The following KLHL15 variants were observed in gnomAD, a reference collection of about 807,000 sequenced individuals.
The protein encoded by KLHL15 is kelch like family member 15.
A neutral mutation model predicts 29.3 loss-of-function variants in KLHL15; 1 was observed. The ratio of observed to expected loss-of-function variants is 0.03; its 90% CI spans 0.01 to 0.16. The LOEUF is 0.16. Among genes scored for constraint, KLHL15 ranks in the 10% least tolerant of loss-of-function variants. The pLI, the probability that KLHL15 is intolerant of heterozygous loss-of-function variation, is 1.00. For missense variants in KLHL15, 215 were observed against 478.5 expected, an observed-to-expected ratio of 0.45 and a Z score of 5.14; for synonymous variants, 212 against 184.5, an observed-to-expected ratio of 1.15 and a Z score of -1.21.
Position 24,006,445 on chromosome X carries a change from G to C in KLHL15, c.249C>G (p.Ser83Arg). The change falls in exon 3 of 4, where the codon AGC becomes AGG. Residue 83 changes from serine (S) to arginine (R), a missense_variant. Ser to Arg is a moderately radical substitution (Grantham distance 110). Transcript: ENST00000328046. Reference protein sequence around the residue: ...HLKGLTATGFSHVLQFMYYGT... With the variant: ...HLKGLTATGFRHVLQFMYYGT... Reference sequence around the variant, plus strand: ...CATAGTACATAAATTGCAGGACATGGCTGAAACCGGTAGCTGTTAGACCTT... The same window carrying C: ...CATAGTACATAAATTGCAGGACATGCCTGAAACCGGTAGCTGTTAGACCTT... The C allele has an allele frequency of 8.3e-7, 1 of 1,210,692 alleles. No homozygotes were observed.
At position 24,024,978 on chromosome X, in the gene KLHL15, A is replaced by C. The variant is rs1806476969; in HGVS notation, c.-129T>G. Reference sequence around the variant, plus strand: ...CACTCGGCAGGCTCCTCGGACGTCTACGAGCAGCCGCTCCCGGCACGAGCC... The same window carrying C: ...CACTCGGCAGGCTCCTCGGACGTCTCCGAGCAGCCGCTCCCGGCACGAGCC... On this transcript the variant is annotated 5_prime_UTR_variant, in exon 2 of 4. Coordinates refer to ENST00000328046, the MANE Select transcript of KLHL15 (RefSeq NM_030624.3). 6.7e-6 allele frequency: 2 copies of C among 297,282 alleles called. No individual in the cohort carries two copies. The highest frequency in any genetic ancestry group is 6.0e-5 in the Admixed American group (1 of 16,566). 24.5% of individuals were successfully genotyped at this position (297,282 alleles called of 1,213,427 possible).
intron 2 of KLHL15, among the ~76,000 whole-genome samples, chrX:24,011,901 G>A (rs891138423): frequency 9.7e-5 from 11 of 113,003 alleles, no homozygotes; most frequent in Non-Finnish European, 1.9e-4. Flanking sequence ...TGTAATCCCA[G>A]CATTTTGGGA....
At chrX:24,024,559 G>A (rs1430433574) in intron 2 of KLHL15, among the ~76,000 whole-genome samples, 11 of 112,174 alleles carry the variant, frequency 9.8e-5, no homozygotes, top group Non-Finnish European at 2.1e-4. Context: ...TCTATTTCAG[G>A]CATAAATTGA....
chrX:24,020,936 C>T (rs376285921), intron 2 of KLHL15, among the ~76,000 whole-genome samples: 103 of 110,295 alleles, frequency 9.3e-4, no homozygotes, highest in African/African-American at 3.2e-3. Flanking sequence ...TAATATATAT[C>T]ATTAACTAAA....
intron 2 of KLHL15, among the ~76,000 whole-genome samples, chrX:24,010,111 C>T (rs1157890947): frequency 9.0e-6 from 1 of 111,033 alleles, no homozygotes; most frequent in Non-Finnish European, 1.9e-5. Context: ...ATCTCAACTC[C>T]TACAACCTCC....
chrX:24,025,062 G>A lies in KLHL15; in HGVS notation c.-209-4C>T, dbSNP rs776113337. The A allele has an allele frequency of 4.9e-3, 1,456 of 296,595 alleles. 3 individuals carry two copies. Among genetic ancestry groups the A allele is most frequent in the Middle Eastern group, 7.9e-3 (9 of 1,133 alleles). 24.4% of individuals were successfully genotyped at this position (296,595 alleles called of 1,213,427 possible). On this transcript the variant is annotated splice_region_variant and splice_polypyrimidine_tract_variant and intron_variant, in intron 1 of 3. Transcript: ENST00000328046. ...TGCAGCCCCCTCTGGATAAGTCCTG[G>A]GAAAGAAGACAGCGCTGAGTCGAGA...
At chrX:24,025,110 C>G (rs953661486) in intron 1 of KLHL15, 52 bp from the exon 2 acceptor site, 3 of 294,603 alleles carry the variant, frequency 1.0e-5, no homozygotes, top group Non-Finnish European at 1.8e-5. Context: ...GGGCTCCGCA[C>G]GAGGCGGCGC....
chrX:23,991,638 G>A (rs747340376), intron 3 of KLHL15, among the ~76,000 whole-genome samples: 62 of 110,960 alleles, frequency 5.6e-4, no homozygotes, highest in East Asian at 8.6e-4. Flanking sequence ...TCAGGAGTTC[G>A]AGACCAGCCT....
intron 3 of KLHL15, among the ~76,000 whole-genome samples, chrX:23,994,819 TG>T (rs1929153491): frequency 9.0e-6 from 1 of 111,325 alleles, no homozygotes; most frequent in Non-Finnish European, 1.9e-5. Context: ...TTCAGTGGTC[TG>T]AAAAAAAATT....
At chrX:23,990,035 G>A (rs1311680870) in intron 3 of KLHL15, among the ~76,000 whole-genome samples, 1 of 110,086 alleles carries the variant, frequency 9.1e-6, no homozygotes, top group East Asian at 2.9e-4. Flanking sequence ...TTTTTGGCCA[G>A]GTGCAGTGGC....
intron 3 of KLHL15, among the ~76,000 whole-genome samples, chrX:23,999,700 T>C (rs1247011009): frequency 9.0e-6 from 1 of 111,608 alleles, no homozygotes. Flanking sequence ...ATACTATCTT[T>C]CCTTCCTAAG....
At position 24,016,339 on chromosome X, in the gene KLHL15, CAAAAAAAAAAAA is replaced by C. The variant is rs755683770; in HGVS notation, c.-8+8506_-8+8517del. Among the ~76,000 whole-genome samples, 15 of 21,691 alleles carry C rather than the reference CAAAAAAAAAAAA, an allele frequency of 6.9e-4. 1 individual carries two copies. In the South Asian group the frequency reaches 0.022, roughly 32 times the overall value. 18.8% of individuals were successfully genotyped at this position (21,691 alleles called of 115,157 possible). A position where few individuals can be genotyped will look rare whatever the true frequency, so the allele number is the denominator to read the frequency against. The stretch of plus-strand genomic sequence containing the variant: ...TGGGCGACAGAGCAAGACTCTGTCT[CAAAAAAAAAAAA>C]AAAAAAAAAAAAAAAAAGGGGGGGT... On this transcript the variant is annotated intron_variant, in intron 2 of 3. Transcript: ENST00000328046.
chrX:24,025,733 G>A (rs1049501541), intron 1 of KLHL15, among the ~76,000 whole-genome samples: 1 of 109,624 alleles, frequency 9.1e-6, no homozygotes, highest in Non-Finnish European at 1.9e-5. Flanking sequence ...GGGAAGGGGG[G>A]GCGGGGAAGG....
chrX:23,984,105 TA>T lies in KLHL15; in HGVS notation c.*3815del, dbSNP rs1312819936. ...CACCTAATCCTTACTATATACTGACTAATAACATTTTAAATGCAGTTGTTCC... is the reference window on the plus strand; with the variant it reads ...CACCTAATCCTTACTATATACTGACTATAACATTTTAAATGCAGTTGTTCC... On this transcript the variant is annotated 3_prime_UTR_variant, in exon 4 of 4. Coordinates refer to ENST00000328046, the MANE Select transcript of KLHL15 (RefSeq NM_030624.3). 1 of 111,858 alleles carries T rather than the reference TA, an allele frequency of 8.9e-6. No homozygotes were observed. The highest frequency in any genetic ancestry group is 1.9e-5 in the Non-Finnish European group (1 of 53,151). The allele number at this position is 111,858 out of a possible 1,213,427, so 9.2% of individuals were successfully genotyped here.
intron 3 of KLHL15, among the ~76,000 whole-genome samples, chrX:23,996,886 C>T (rs1929201458): frequency 8.9e-6 from 1 of 112,096 alleles, no homozygotes. Flanking sequence ...TTTAATCAAT[C>T]CCTTTGTCCT....
chrX:23,997,908 A>T (rs5925633), intron 3 of KLHL15, among the ~76,000 whole-genome samples: 1 of 107,894 alleles, frequency 9.3e-6, no homozygotes, highest in African/African-American at 3.4e-5. Flanking sequence ...AAGACAACAC[A>T]GCAAAACCCC....
intron 3 of KLHL15, among the ~76,000 whole-genome samples, chrX:23,998,935 C>T (rs1018497146): frequency 3.6e-5 from 4 of 110,835 alleles, no homozygotes; most frequent in African/African-American, 9.8e-5. Flanking sequence ...GACGGAGTTT[C>T]GCTCTTGCTG....
intron 3 of KLHL15, among the ~76,000 whole-genome samples, chrX:23,989,364 A>G (rs919175909): frequency 1.8e-5 from 2 of 109,907 alleles, no homozygotes; most frequent in Non-Finnish European, 3.8e-5. Flanking sequence ...TTTAGTAGAG[A>G]TGAGGTTTCA....
At position 23,998,902 on chromosome X, in the gene KLHL15, A is replaced by T. The variant is rs1482350255; in HGVS notation, c.705+7087T>A. Among the ~76,000 whole-genome samples the T allele has an allele frequency of 2.8e-5, 3 of 108,911 alleles. No individual in the cohort carries two copies. In the East Asian group the frequency reaches 8.6e-4, roughly 31 times the overall value. 94.6% of individuals were successfully genotyped at this position (108,911 alleles called of 115,157 possible). On this transcript the variant is annotated intron_variant, in intron 3 of 3. Transcript: ENST00000328046. ...TTCTTAAGAGTTTCCTCATTTTTTT[A>T]AATGTATTTATTTATTGATTGAGAC...
Sources: gnomAD v4.1 joint callset for allele counts (sites outside exome capture counted in the v4.1 genomes callset) on GRCh38, gnomAD v4.1.1 for gene constraint, MANE v1.5 for transcripts, NCBI Gene and HGNC (gene_info 2026-07-23, HGNC 2026-07-21) for gene names.